Variants in SPON2 observed in about 807,000 individuals in gnomAD.
The protein encoded by SPON2 is spondin-2.
SPON2 carries 32 observed loss-of-function variants against 29.9 expected under a neutral mutation model. The observed-to-expected ratio is 1.07, with a 90% CI of 0.81 to 1.44. SPON2 has a LOEUF of 1.44. Among genes scored for constraint, SPON2 ranks in the 40% most tolerant of loss-of-function variants. The pLI is 0.00. For missense variants in SPON2, 541 were observed against 455.5 expected, an observed-to-expected ratio of 1.19 and a Z score of -1.71; for synonymous variants, 248 against 209.1, an observed-to-expected ratio of 1.19 and a Z score of -1.61.
Position 1,170,980 on chromosome 4 carries a change from A to C in SPON2, c.636+19T>G. ...GCGGGGGCCATAGCGGCCCTTGCGC[A>C]CGCGGGGTGCCCACTCACCTCGGTC... On this transcript the variant is annotated intron_variant, in intron 4 of 5. Coordinates refer to ENST00000290902, the MANE Select transcript of SPON2 (RefSeq NM_012445.4). 1 of 1,546,280 alleles carries C rather than the reference A, an allele frequency of 6.5e-7. No individual in the cohort carries two copies. Among genetic ancestry groups the C allele is most frequent in the Non-Finnish European group, 8.7e-7 (1 of 1,144,256 alleles).
chr4:1,183,358 T>C (rs549132197), intron 1 of SPON2, among the ~76,000 whole-genome samples: 2 of 152,072 alleles, frequency 1.3e-5, no homozygotes, highest in Non-Finnish European at 2.9e-5. Flanking sequence ...GGAAGTCCTA[T>C]AGGGTGAAAT....
rs2153076178 is a variant in SPON2, at chr4:1,166,952, T to A, written c.*520A>T. 6.5e-6 allele frequency: 1 copy of A among 153,058 alleles called. No individual in the cohort carries two copies. The highest frequency in any genetic ancestry group is 1.5e-5 in the Non-Finnish European group (1 of 68,524). The allele number at this position is 153,058 out of a possible 1,614,324, so 9.5% of individuals were successfully genotyped here. On this transcript the variant is annotated 3_prime_UTR_variant, in exon 6 of 6. Transcript: ENST00000290902. ...GGACATTTGTGAGCAACAGAGATAG[T>A]CTTTATTCAAACGCAGAGAGATCCA... is the stretch of plus-strand genomic sequence containing the variant.
chr4:1,178,260 T>C (rs73793103), intron 2 of SPON2, among the ~76,000 whole-genome samples: 3,109 of 107,768 alleles, frequency 0.029, 69 homozygotes, highest in African/African-American at 0.043. Context: ...CCAGGCACCA[T>C]GGGCTCTGCA....
intron 1 of SPON2, among the ~76,000 whole-genome samples, chr4:1,192,176 G>A (rs1727927109): frequency 6.6e-6 from 1 of 152,254 alleles, no homozygotes; most frequent in Admixed American, 6.5e-5. Context: ...TCTGCAGAGT[G>A]TGGGATGGGG....
chr4:1,205,934 C>T (rs770030989), intron 1 of SPON2, among the ~76,000 whole-genome samples: 4 of 152,150 alleles, frequency 2.6e-5, no homozygotes, highest in Non-Finnish European at 4.4e-5. Context: ...ATGCTCCGCC[C>T]GATGCCCACC....
chr4:1,195,053 C>CTCGCAG (rs1728027760), exon 1 of SPON2: 1 of 121,184 alleles, frequency 8.3e-6, no homozygotes, highest in Non-Finnish European at 1.8e-5. Context: ...CGGCTCCAAC[C>CTCGCAG]CCGCAGCCGG....
chr4:1,195,078 CAGCCGGCGG>C (rs1322100754), exon 1 of SPON2: 6 of 124,560 alleles, frequency 4.8e-5, no homozygotes, highest in East Asian at 2.7e-4. Context: ...TCCAACCCCG[CAGCCGGCGG>C]CTCCAACCCC....
At chr4:1,191,082 C>CT (rs771514559) in intron 1 of SPON2, among the ~76,000 whole-genome samples, 2,403 of 140,060 alleles carry the variant, frequency 0.017, 45 homozygotes, top group African/African-American at 0.052. Flanking sequence ...CTTTTTTTTT[C>CT]TTTTTTTTTT....
intron 1 of SPON2, among the ~76,000 whole-genome samples, chr4:1,204,729 C>A (rs1275618590): frequency 6.6e-6 from 1 of 152,192 alleles, no homozygotes; most frequent in Non-Finnish European, 1.5e-5. Context: ...CCGGCCAGCA[C>A]GAGGGACGGC....
intron 1 of SPON2, among the ~76,000 whole-genome samples, chr4:1,189,102 T>C (rs546532955): frequency 6.6e-6 from 1 of 152,120 alleles, no homozygotes; most frequent in South Asian, 2.1e-4. Context: ...AAAGAAGCAT[T>C]CACAAGAGAA....
chr4:1,170,536 TAGA>T lies in SPON2; in HGVS notation c.674_676del (p.Phe225del), dbSNP rs1727393398. The T allele has an allele frequency of 2.5e-6, 4 of 1,613,830 alleles. No individual in the cohort carries two copies. Among genetic ancestry groups the T allele is most frequent in the African/African-American group, 1.3e-5 (1 of 75,004 alleles). ...AGGCAGGGCCTTCAGCCGCGGGTAGTAGAAGGAGTTGGCCGGGTGGCTGGGAGA... is the reference window on the plus strand; with the variant it reads ...AGGCAGGGCCTTCAGCCGCGGGTAGTAGGAGTTGGCCGGGTGGCTGGGAGA... On this transcript the variant is annotated inframe_deletion, in exon 5 of 6. Coordinates refer to ENST00000290902, the MANE Select transcript of SPON2 (RefSeq NM_012445.4).
chr4:1,207,724 C>A (rs1206933272), intron 1 of SPON2, among the ~76,000 whole-genome samples: 1 of 152,240 alleles, frequency 6.6e-6, no homozygotes, highest in Admixed American at 6.5e-5. Context: ...ACAGATGCAC[C>A]TAACCTTATA....
chr4:1,173,023 G>T (rs1351980173), upstream of SPON2: 1 of 150,410 alleles, frequency 6.6e-6, no homozygotes, highest in Non-Finnish European at 1.5e-5. Flanking sequence ...GGAGTTCTTT[G>T]CCCCAAGCCT....
At chr4:1,203,538 T>C (rs2108682717) in intron 1 of SPON2, among the ~76,000 whole-genome samples, 1 of 152,314 alleles carries the variant, frequency 6.6e-6, no homozygotes, top group Admixed American at 6.5e-5. Context: ...TTTGGGCTAT[T>C]GTGAATAATG....
chr4:1,175,049 C>T (rs1346055584), upstream of SPON2, among the ~76,000 whole-genome samples: 1 of 152,212 alleles, frequency 6.6e-6, no homozygotes, highest in African/African-American at 2.4e-5. Flanking sequence ...GACTGGCAGC[C>T]GCTGCTCAGA....
intron 1 of SPON2, among the ~76,000 whole-genome samples, chr4:1,186,649 T>C (rs1727813072): frequency 6.6e-6 from 1 of 152,180 alleles, no homozygotes. Context: ...AAGGCACTAA[T>C]ATCCAGAATA....
chr4:1,186,076 C>A (rs1418627513), intron 1 of SPON2, among the ~76,000 whole-genome samples: 1 of 140,374 alleles, frequency 7.1e-6, no homozygotes, highest in South Asian at 2.3e-4. Flanking sequence ...AACCCCATCT[C>A]TACTAAAAAT....
chr4:1,176,898 A>ATTCATTCACACCATTCG (rs1560204787), upstream of SPON2, among the ~76,000 whole-genome samples: 1,944 of 152,140 alleles, frequency 0.013, 39 homozygotes, highest in African/African-American at 0.044. Flanking sequence ...CACACCATTC[A>ATTCATTCACACCATTCG]TTCATTCATT....
rs1278882121 is a variant in SPON2 at position 1,171,698 on chromosome 4, C to T, written c.220+154G>A. 7.7e-6 allele frequency: 6 copies of T among 776,788 alleles called. No homozygotes were observed. In the African/African-American group the frequency reaches 8.5e-5, roughly 11 times the overall value. The allele number at this position is 776,788 out of a possible 1,614,324, so 48.1% of individuals were successfully genotyped here. On this transcript the variant is annotated intron_variant, in intron 2 of 5. Coordinates refer to ENST00000290902, the MANE Select transcript of SPON2 (RefSeq NM_012445.4). ...CCTGCCCCCACCGCATCCCCGGAAC[C>T]GCACACCGCAGGCGCTCGGCAAACA...
Sources: allele counts gnomAD v4.1 joint callset (sites outside exome capture counted in the v4.1 genomes callset), GRCh38; gene constraint gnomAD v4.1.1; transcripts MANE v1.5; gene names NCBI Gene and HGNC (gene_info 2026-07-23, HGNC 2026-07-21).